Variants in STAG1 observed in about 807,000 individuals in gnomAD.
The protein encoded by STAG1 is cohesin subunit SA-1.
A neutral mutation model predicts 170.9 loss-of-function variants in STAG1; 26 were observed. That is an observed-to-expected ratio of 0.15 (90% confidence interval 0.11 to 0.21). The LOEUF (loss-of-function observed/expected upper bound fraction) is 0.21. Among genes scored for constraint, STAG1 ranks in the 10% least tolerant of loss-of-function variants. STAG1 has a pLI of 1.00. For missense variants in STAG1, 964 were observed against 1,509.5 expected (o/e 0.64, Z 5.99); for synonymous variants, 514 against 497.7 (o/e 1.03, Z -0.44).
chr3:136,467,978 A>T (rs1455333918), intron 12 of STAG1, among the ~76,000 whole-genome samples: 1 of 150,592 alleles, frequency 6.6e-6, no homozygotes, highest in Non-Finnish European at 1.5e-5. Flanking sequence ...AAAGGCACAA[A>T]CCTGAATCTT....
intron 22 of STAG1, among the ~76,000 whole-genome samples, chr3:136,392,132 C>T (rs2087026100): frequency 1.3e-5 from 2 of 152,000 alleles, no homozygotes; most frequent in African/African-American, 4.8e-5. Context: ...GCATCAAGAA[C>T]CTTAAAAGTA....
intron 10 of STAG1, 71 bp downstream of exon 10, chr3:136,477,218 A>C: frequency 6.7e-7 from 1 of 1,486,122 alleles, no homozygotes; most frequent in Non-Finnish European, 9.0e-7. Flanking sequence ...AACTACTGTC[A>C]TTTTGATTCC....
intron 1 of STAG1, among the ~76,000 whole-genome samples, chr3:136,693,571 T>C (rs1355999775): frequency 6.6e-6 from 1 of 152,160 alleles, no homozygotes; most frequent in East Asian, 1.9e-4. Flanking sequence ...GAACTACAGT[T>C]GTGCCACGTA....
At chr3:136,706,075 TAAAC>T (rs1001526813) in intron 1 of STAG1, among the ~76,000 whole-genome samples, 2 of 151,812 alleles carry the variant, frequency 1.3e-5, no homozygotes, top group African/African-American at 2.4e-5. Flanking sequence ...GTCTCAGAAA[TAAAC>T]AAACAAACAA....
At chr3:136,438,724 T>G (rs777353545) in intron 15 of STAG1, among the ~76,000 whole-genome samples, 2 of 152,156 alleles carry the variant, frequency 1.3e-5, no homozygotes, top group Non-Finnish European at 2.9e-5. Context: ...GCTCATCTAG[T>G]ATAACACTAT....
At chr3:136,497,305 C>T (rs1933159873) in intron 9 of STAG1, among the ~76,000 whole-genome samples, 1 of 152,046 alleles carries the variant, frequency 6.6e-6, no homozygotes, top group Non-Finnish European at 1.5e-5. Flanking sequence ...AGCTATTTAT[C>T]CCTCTTGAAC....
rs2107752541 is a variant in STAG1 at position 136,437,222 on chromosome 3, C to A, written c.1547-3563G>T. On this transcript the variant is annotated intron_variant, in intron 15 of 33. Transcript: ENST00000383202. ...TTCACAGTAGTGTTGAAGCTTAACTCAACCTTGCACAGTGTTCAATTCCAT... is the reference window on the plus strand; with the variant it reads ...TTCACAGTAGTGTTGAAGCTTAACTAAACCTTGCACAGTGTTCAATTCCAT... 1.3e-5 allele frequency among the ~76,000 whole-genome samples: 2 copies of A among 152,330 alleles called. 1 individual carries two copies. Among genetic ancestry groups the A allele is most frequent in the South Asian group, 4.1e-4 (2 of 4,830 alleles).
chr3:136,711,275 T>G (rs1943374176), intron 1 of STAG1, among the ~76,000 whole-genome samples: 1 of 152,086 alleles, frequency 6.6e-6, no homozygotes. Flanking sequence ...TCTGTTTACT[T>G]AGGGGGAGAA....
chr3:136,421,013 T>C, intron 20 of STAG1, 80 bp downstream of exon 20: 1 of 780,814 alleles, frequency 1.3e-6, no homozygotes, highest in East Asian at 2.8e-5. Context: ...TCAAGCAATC[T>C]GCCCATCTCG....
chr3:136,688,025 C>T (rs749216679), intron 1 of STAG1, among the ~76,000 whole-genome samples: 2 of 152,158 alleles, frequency 1.3e-5, no homozygotes, highest in African/African-American at 2.4e-5. Flanking sequence ...GCATGAGCCA[C>T]GGTGCCCAGC....
intron 13 of STAG1, among the ~76,000 whole-genome samples, chr3:136,456,922 A>T (rs374018591): frequency 1.3e-5 from 2 of 152,232 alleles, no homozygotes; most frequent in South Asian, 4.1e-4. Flanking sequence ...TCCTTCAAAC[A>T]TGAAAGACAG....
At chr3:136,470,937 A>G (rs895554739) in intron 12 of STAG1, among the ~76,000 whole-genome samples, 1 of 144,436 alleles carries the variant, frequency 6.9e-6, no homozygotes, top group Admixed American at 7.0e-5. Flanking sequence ...GAACAATGAG[A>G]ACACTTGGAC....
chr3:136,628,932 G>C (rs1408249798), intron 2 of STAG1, among the ~76,000 whole-genome samples: 2 of 152,144 alleles, frequency 1.3e-5, no homozygotes, highest in Non-Finnish European at 2.9e-5. Flanking sequence ...AATCACTAGA[G>C]TGGTCTTTAT....
chr3:136,739,191 T>A (rs1934516018), intron 1 of STAG1, among the ~76,000 whole-genome samples: 1 of 152,158 alleles, frequency 6.6e-6, no homozygotes. Flanking sequence ...TATCATTTAC[T>A]AGCTGTTTGG....
intron 16 of STAG1, among the ~76,000 whole-genome samples, chr3:136,425,349 AT>A (rs1189132535): frequency 6.6e-6 from 1 of 152,122 alleles, no homozygotes; most frequent in African/African-American, 2.4e-5. Flanking sequence ...TTGGTAAAAG[AT>A]TGGGGGGTGA....
At chr3:136,558,915 T>C (rs548324261) in intron 5 of STAG1, among the ~76,000 whole-genome samples, 27 of 152,226 alleles carry the variant, frequency 1.8e-4, no homozygotes, top group East Asian at 5.8e-4. Context: ...TACTTTACAG[T>C]AGTTCTCAAA....
At chr3:136,606,542 T>A (rs1296017058) in intron 3 of STAG1, among the ~76,000 whole-genome samples, 2 of 152,242 alleles carry the variant, frequency 1.3e-5, no homozygotes, top group East Asian at 3.9e-4. Flanking sequence ...CCATCCAGGA[T>A]ACAATATTAC....
intron 21 of STAG1, among the ~76,000 whole-genome samples, chr3:136,402,035 C>A (rs572849937): frequency 6.6e-6 from 1 of 151,984 alleles, no homozygotes; most frequent in African/African-American, 2.4e-5. Flanking sequence ...TGAGCCACCG[C>A]GCCCACCCAA....
chr3:136,648,205 C>A (rs370012585), intron 1 of STAG1, among the ~76,000 whole-genome samples: 17 of 152,284 alleles, frequency 1.1e-4, no homozygotes, highest in Admixed American at 3.3e-4. Flanking sequence ...TCCACATTAT[C>A]CTAGTCTTTT....
Sources: gnomAD v4.1 joint callset for allele counts (sites outside exome capture counted in the v4.1 genomes callset) on GRCh38, gnomAD v4.1.1 for gene constraint, MANE v1.5 for transcripts, NCBI Gene and HGNC (gene_info 2026-07-23, HGNC 2026-07-21) for gene names.